Variants in F13A1 observed in about 807,000 individuals in gnomAD.
The protein encoded by F13A1 is coagulation factor XIII A chain.
F13A1 carries 47 observed loss-of-function variants against 80.1 expected under a neutral mutation model. The observed-to-expected ratio is 0.59, with a 90% CI of 0.46 to 0.75. The LOEUF is 0.75. F13A1 is among the 30% of genes least tolerant of loss of function. F13A1 has a pLI of 0.00. For missense variants in F13A1, 817 were observed against 930.4 expected (o/e 0.88, Z 1.59); for synonymous variants, 349 against 344.9 (o/e 1.01, Z -0.13).
At chr6:6,228,952 A>G (rs954967612) in intron 6 of F13A1, among the ~76,000 whole-genome samples, 2 of 152,146 alleles carry the variant, frequency 1.3e-5, no homozygotes, top group Admixed American at 1.3e-4. Context: ...ATGTAGGAGA[A>G]TCTTAAGGGA....
At chr6:6,147,696 T>C (rs1760309919) in intron 14 of F13A1, among the ~76,000 whole-genome samples, 1 of 152,216 alleles carries the variant, frequency 6.6e-6, no homozygotes, top group African/African-American at 2.4e-5. Context: ...AGAAGCTAAG[T>C]ATTTAGCCCC....
intron 6 of F13A1, among the ~76,000 whole-genome samples, chr6:6,234,427 C>G (rs947025582): frequency 6.6e-6 from 1 of 151,904 alleles, no homozygotes; most frequent in South Asian, 2.1e-4. Flanking sequence ...AAAGTGATAT[C>G]AAAATAATTA....
In F13A1 at chr6:6,243,294, C is replaced by T. The variant is rs1423442698; in HGVS notation, c.798+5018G>A. 6.7e-6 allele frequency among the ~76,000 whole-genome samples: 1 copy of T among 150,052 alleles called. No individual in the cohort carries two copies. Reference sequence around the variant, plus strand: ...CACCACCATAATCACCCTACCATCACCACCATTATTATCACAATCACTATC... The same window carrying T: ...CACCACCATAATCACCCTACCATCATCACCATTATTATCACAATCACTATC... On this transcript the variant is annotated intron_variant, in intron 6 of 14. Transcript: ENST00000264870. The surrounding 1 kb of genome is among the most constrained non-coding windows in gnomAD (Gnocchi z 4.2).
At position 6,243,043 on chromosome 6, in the gene F13A1, C is replaced by T. The variant is rs1384840885; in HGVS notation, c.798+5269G>A. Among the ~76,000 whole-genome samples, 1 of 152,186 alleles carries T rather than the reference C, an allele frequency of 6.6e-6. No homozygotes were observed. The highest frequency in any genetic ancestry group is 1.5e-5 in the Non-Finnish European group (1 of 68,040). On this transcript the variant is annotated intron_variant, in intron 6 of 14. Transcript: ENST00000264870. This position sits in a 1 kb window ranked among gnomAD's most constrained non-coding sequence, Gnocchi z 4.2. Reference sequence around the variant, plus strand: ...TCACAATTGTACTCCAGTGTTCAGACTGGTAGATTGCCATAAACATTTGTC... The same window carrying T: ...TCACAATTGTACTCCAGTGTTCAGATTGGTAGATTGCCATAAACATTTGTC...
At chr6:6,200,655 A>C (rs1761376943) in intron 8 of F13A1, among the ~76,000 whole-genome samples, 1 of 152,186 alleles carries the variant, frequency 6.6e-6, no homozygotes, top group Admixed American at 6.5e-5. Flanking sequence ...TTATTTTCAA[A>C]TTAAAAGAGA....
At position 6,301,149 on chromosome 6, in the gene F13A1, A is replaced by G. The variant is rs139554546; in HGVS notation, c.319+4202T>C. On this transcript the variant is annotated intron_variant, in intron 3 of 14. Coordinates refer to ENST00000264870, the MANE Select transcript of F13A1 (RefSeq NM_000129.4). Reference sequence around the variant, plus strand: ...AATTTCCTTGGCTTTATTCAGTCCTATTGAAACAGGCACTGAATTTTAAGA... The same window carrying G: ...AATTTCCTTGGCTTTATTCAGTCCTGTTGAAACAGGCACTGAATTTTAAGA... 5.3e-5 allele frequency among the ~76,000 whole-genome samples: 8 copies of G among 152,290 alleles called. No homozygotes were observed. In the East Asian group the frequency reaches 1.3e-3, roughly 26 times the overall value.
intron 13 of F13A1, among the ~76,000 whole-genome samples, chr6:6,166,473 T>C (rs1425715501): frequency 6.6e-6 from 1 of 152,214 alleles, no homozygotes; most frequent in African/African-American, 2.4e-5. Context: ...TTTAGAGCAA[T>C]GTAGTTTAGC....
chr6:6,306,434 G>A lies in F13A1; in HGVS notation c.131-895C>T, dbSNP rs188052560. Among the ~76,000 whole-genome samples the A allele has an allele frequency of 1.5e-3, 234 of 152,272 alleles. 1 individual carries two copies. The highest frequency in any genetic ancestry group is 0.014 in the Middle Eastern group (4 of 294). ...AGCCTAACATGTTCCACTTCTTACA[G>A]GAATGTGACAGGAGACGGCATGAGA... On this transcript the variant is annotated intron_variant, in intron 2 of 14. Transcript: ENST00000264870.
chr6:6,305,385 G>A lies in F13A1; in HGVS notation c.285C>T (p.Pro95=), dbSNP rs1758498478. The A allele has an allele frequency of 3.1e-6, 5 of 1,614,062 alleles. No individual in the cohort carries two copies. The highest frequency in any genetic ancestry group is 3.4e-6 in the Non-Finnish European group (4 of 1,180,044). The change falls in exon 3 of 15, where the codon CCC becomes CCT. Residue 95 remains proline (P), a synonymous_variant. Transcript: ENST00000264870. ...ATTCCACCCTGAAGAGATCCCTTCT[G>A]GGGTCATATGGACGACTGAAGTCAA... ...VQIDFSRPYD[P]RRDLFRVEYV...
intron 8 of F13A1, among the ~76,000 whole-genome samples, chr6:6,211,581 T>C (rs1383097975): frequency 1.3e-5 from 2 of 152,244 alleles, no homozygotes; most frequent in African/African-American, 4.8e-5. Context: ...GTGATTAAAA[T>C]TGAAGATAAT....
intron 12 of F13A1, 78 bp downstream of exon 12, chr6:6,174,502 C>G: frequency 6.7e-7 from 1 of 1,485,694 alleles, no homozygotes; most frequent in Non-Finnish European, 9.4e-7. Flanking sequence ...TGATATAAAG[C>G]TATAACGGGC....
At chr6:6,191,726 G>A (rs902920324) in intron 10 of F13A1, among the ~76,000 whole-genome samples, 2 of 152,214 alleles carry the variant, frequency 1.3e-5, no homozygotes, top group African/African-American at 4.8e-5. Flanking sequence ...TCCAAGTGGA[G>A]ATAACCTTGT....
chr6:6,158,712 T>C (rs1258168190), intron 13 of F13A1, among the ~76,000 whole-genome samples: 7 of 152,028 alleles, frequency 4.6e-5, no homozygotes, highest in Non-Finnish European at 1.0e-4. Context: ...GTTGTGGACA[T>C]GGAGGGGAAA....
chr6:6,229,376 T>C (rs938813587), intron 6 of F13A1, among the ~76,000 whole-genome samples: 11 of 152,114 alleles, frequency 7.2e-5, no homozygotes, highest in South Asian at 4.2e-4. Context: ...TAATAAATTA[T>C]AAACTGCAAG....
chr6:6,216,174 T>A (rs1051724211), intron 8 of F13A1, among the ~76,000 whole-genome samples: 1 of 152,056 alleles, frequency 6.6e-6, no homozygotes, highest in Non-Finnish European at 1.5e-5. Context: ...TGGAAAAAAC[T>A]ACCTGAAAGT....
chr6:6,167,400 A>G (rs1760694918), intron 13 of F13A1, 58 bp downstream of exon 13: 2 of 1,592,698 alleles, frequency 1.3e-6, no homozygotes, highest in Middle Eastern at 1.7e-4. Flanking sequence ...ATATGCACAC[A>G]TGAACACTAA....
At chr6:6,291,687 G>A (rs991724930) in intron 3 of F13A1, among the ~76,000 whole-genome samples, 1 of 152,112 alleles carries the variant, frequency 6.6e-6, no homozygotes, top group African/African-American at 2.4e-5. Context: ...TTTTCCTTCT[G>A]TTTATCTGCT....
intron 11 of F13A1, among the ~76,000 whole-genome samples, chr6:6,180,594 T>C (rs1202901916): frequency 1.3e-5 from 2 of 152,264 alleles, no homozygotes; most frequent in Non-Finnish European, 2.9e-5. Flanking sequence ...TGTTTTGTTT[T>C]ATTTGCACTT....
chr6:6,304,413 A>C, intron 3 of F13A1, among the ~76,000 whole-genome samples: 1 of 152,282 alleles, frequency 6.6e-6, no homozygotes, highest in Admixed American at 6.5e-5. Flanking sequence ...TAATCTTATA[A>C]ATTCCTATAG....
Sources: gnomAD v4.1 joint callset for allele counts (sites outside exome capture counted in the v4.1 genomes callset) on GRCh38, gnomAD v4.1.1 for gene constraint, Gnocchi (gnomAD v3.1) non-coding constraint, MANE v1.5 for transcripts, NCBI Gene and HGNC (gene_info 2026-07-23, HGNC 2026-07-21) for gene names.